Variants in BCAR1 observed in about 807,000 individuals in gnomAD.
The protein encoded by BCAR1 is breast cancer anti-estrogen resistance protein 1.
In BCAR1, 30 loss-of-function variants were observed where a neutral mutation model predicts 67.6. The observed-to-expected ratio is 0.44, with a 90% confidence interval of 0.33 to 0.60. The LOEUF is 0.60. BCAR1 is among the 20% of genes least tolerant of loss of function. The pLI, the probability that BCAR1 is intolerant of heterozygous loss-of-function variation, is 0.02. For missense variants in BCAR1, 1,313 were observed against 1,222.3 expected, an observed-to-expected ratio of 1.07 and a Z score of -1.11; for synonymous variants, 626 against 556.7, an observed-to-expected ratio of 1.12 and a Z score of -1.75.
In BCAR1 at chr16:75,229,439, ACT is replaced by A. The variant is rs1238639592; in HGVS notation, c.*70_*71del. On this transcript the variant is annotated 3_prime_UTR_variant, in exon 7 of 7. Coordinates refer to ENST00000162330, the MANE Select transcript of BCAR1 (RefSeq NM_014567.5). ...CTGTCCCTAAGCCTGTGGCACAGCG[ACT>A]CTTGACATGGGAGCCAGGGAGCTGG... 1.3e-5 allele frequency: 19 copies of A among 1,448,068 alleles called. No individual in the cohort carries two copies. The Admixed American group carries it at 4.5e-4, about 34-fold the overall frequency. The allele number at this position is 1,448,068 out of a possible 1,614,324, so 89.7% of individuals were successfully genotyped here.
At chr16:75,239,337 C>G (rs955638959) in intron 2 of BCAR1, among the ~76,000 whole-genome samples, 2 of 152,156 alleles carry the variant, frequency 1.3e-5, no homozygotes, top group Non-Finnish European at 2.9e-5. Context: ...ATGCCTCATA[C>G]AATGCAGAGA....
intron 5 of BCAR1, 114 bp from the exon 6 acceptor site, chr16:75,234,049 GCGCACACACACGCACACGTGGA>G (rs2076999090): frequency 7.5e-6 from 7 of 934,820 alleles, no homozygotes; most frequent in Middle Eastern, 2.6e-4. Flanking sequence ...CTGCGTGTGC[GCGCACACACACGCACACGTGGA>G]CGCACACACA....
intron 1 of BCAR1, chr16:75,251,025 G>A (rs1038415889): frequency 1.6e-5 from 16 of 978,902 alleles, no homozygotes; most frequent in Admixed American, 6.1e-5. Context: ...CGGTCCCCCG[G>A]AGCTCCTCCC....
chr16:75,230,687 A>G (rs934323331), intron 6 of BCAR1, among the ~76,000 whole-genome samples: 4 of 152,290 alleles, frequency 2.6e-5, no homozygotes, highest in Admixed American at 2.6e-4. Context: ...GGAAGTGACC[A>G]GCCACACCCA....
At chr16:75,248,349 A>T in intron 1 of BCAR1, 1 of 1,298,150 alleles carries the variant, frequency 7.7e-7, no homozygotes, top group African/African-American at 1.5e-5. Flanking sequence ...ACCCAGAACC[A>T]TCACAAACTT....
upstream of BCAR1, chr16:75,251,983 A>G (rs1452512619): frequency 1.2e-5 from 7 of 608,584 alleles, no homozygotes; most frequent in South Asian, 2.0e-5. Flanking sequence ...GAGCCGAGAC[A>G]TGGCCTCAAG....
At chr16:75,254,773 C>A (rs965104446), upstream of BCAR1, among the ~76,000 whole-genome samples, 2 of 152,154 alleles carry the variant, frequency 1.3e-5, no homozygotes, top group African/African-American at 2.4e-5. Context: ...AAGATGAGCT[C>A]ACAGGCTGGA....
At chr16:75,245,904 G>A (rs1429208768) in intron 1 of BCAR1, 1 of 147,902 alleles carries the variant, frequency 6.8e-6, no homozygotes, top group Non-Finnish European at 1.5e-5. Context: ...AAATCCCTTA[G>A]CCTCTCTGAG....
rs898282330 is a variant in BCAR1, at chr16:75,233,918, C to T, written c.2028G>A (p.Glu676=). ...YVHLQGKEEF[E]KTQKELLEKG... ...TTTCCAGCAGCTCCTTCTGGGTCTT[C>T]TCAAACTCCTCCTTCCCCTGGAGGG... The change falls in exon 6 of 7, where the codon GAG becomes GAA. Residue 676 remains glutamate (E), a synonymous_variant. Transcript: ENST00000162330. 1.2e-6 allele frequency: 2 copies of T among 1,608,580 alleles called. No individual in the cohort carries two copies. Among genetic ancestry groups the T allele is most frequent in the Non-Finnish European group, 8.5e-7 (1 of 1,177,628 alleles).
upstream of BCAR1, chr16:75,251,849 G>A (rs1053744206): frequency 4.8e-4 from 120 of 249,106 alleles, no homozygotes; most frequent in African/African-American, 3.0e-3. Context: ...TTCCAGCCTA[G>A]GGCGCAGGAC....
chr16:75,235,086 A>G lies in BCAR1; in HGVS notation c.1813T>C (p.Phe605Leu). The change falls in exon 5 of 7, where the codon TTC (phenylalanine) becomes CTC (leucine). Residue 605 changes from phenylalanine (F) to leucine (L), a missense_variant. By Grantham distance (22) the Phe-to-Leu change is conservative (BLOSUM62 0). Transcript: ENST00000162330. ...SFLHGNASLL[F>L]RRTKATAPGP... The stretch of plus-strand genomic sequence containing the variant: ...GGGGCAGTGGCCTTGGTCCGTCTGA[A>G]GAGCAGTGAGGCATTGCCGTGCAGG... The G allele has an allele frequency of 6.2e-7, 1 of 1,612,644 alleles. No individual in the cohort carries two copies. The highest frequency in any genetic ancestry group is 8.5e-7 in the Non-Finnish European group (1 of 1,180,012).
intron 1 of BCAR1, 74 bp from the exon 2 acceptor site, chr16:75,243,164 T>G: frequency 2.1e-6 from 3 of 1,445,810 alleles, no homozygotes; most frequent in Non-Finnish European, 2.8e-6. Flanking sequence ...GCTCCTGCCC[T>G]GCTCTGGGGA....
At chr16:75,251,342 G>A (rs1304134889) in intron 1 of BCAR1, 129 bp downstream of exon 1, 3 of 1,297,620 alleles carry the variant, frequency 2.3e-6, no homozygotes, top group Admixed American at 5.7e-5. Context: ...GGAGATCCCA[G>A]GGCCGCGGAC....
Position 75,242,813 on chromosome 16 carries a change from G to C in BCAR1, c.290C>G (p.Ser97Cys). ...GTTGGGGAGCATGGGCGTGTACTGG[G>C]AGGCCGGAGGCGCTGGGGCATGGAG... ...PGLHAPAPPA[S>C]QYTPMLPNTY... The change falls in exon 2 of 7, where the codon TCC becomes TGC. Residue 97 changes from serine (S) to cysteine (C), a missense_variant. Physicochemically the swap from Ser to Cys is moderately radical, Grantham distance 112. Coordinates refer to ENST00000162330, the MANE Select transcript of BCAR1 (RefSeq NM_014567.5). 1 of 1,604,484 alleles carries C rather than the reference G, an allele frequency of 6.2e-7. No individual in the cohort carries two copies. Among genetic ancestry groups the C allele is most frequent in the South Asian group, 1.1e-5 (1 of 90,054 alleles).
chr16:75,234,598 C>T (rs1037572109), intron 5 of BCAR1, among the ~76,000 whole-genome samples: 1 of 152,226 alleles, frequency 6.6e-6, no homozygotes, highest in East Asian at 1.9e-4. Flanking sequence ...TGCTCCCCCA[C>T]GCTCAGAGCA....
chr16:75,244,745 G>T (rs1001334471), intron 1 of BCAR1, among the ~76,000 whole-genome samples: 1 of 152,242 alleles, frequency 6.6e-6, no homozygotes, highest in African/African-American at 2.4e-5. Context: ...GAGAGGGCAG[G>T]CCCAGGTGGA....
chr16:75,233,224 T>A (rs1029845150), intron 6 of BCAR1, among the ~76,000 whole-genome samples: 1 of 151,970 alleles, frequency 6.6e-6, no homozygotes, highest in African/African-American at 2.4e-5. Context: ...AATATAAAAA[T>A]CAGCCAGGTG....
At chr16:75,245,902 T>C (rs1316782914) in intron 1 of BCAR1, 3 of 150,316 alleles carry the variant, frequency 2.0e-5, no homozygotes, top group African/African-American at 7.3e-5. Flanking sequence ...GCAAATCCCT[T>C]AGCCTCTCTG....
chr16:75,239,223 A>G lies in BCAR1; in HGVS notation c.634-1879T>C, dbSNP rs558546901. On this transcript the variant is annotated intron_variant, in intron 2 of 6. Transcript: ENST00000162330. ...GCTGCACACCTGAGACCCCACTAGCAGGCCGTGGAGGTCCCCCGGGGGTTA... is the reference window on the plus strand; with the variant it reads ...GCTGCACACCTGAGACCCCACTAGCGGGCCGTGGAGGTCCCCCGGGGGTTA... 42 of 634,942 alleles carry G rather than the reference A, an allele frequency of 6.6e-5. No homozygotes were observed. The Admixed American group carries it at 2.6e-3, about 39-fold the overall frequency. 39.3% of individuals were successfully genotyped at this position (634,942 alleles called of 1,614,324 possible). A position where few individuals can be genotyped will look rare whatever the true frequency, so the allele number is the denominator to read the frequency against.
Sources: gnomAD v4.1 joint callset for allele counts (sites outside exome capture counted in the v4.1 genomes callset) on GRCh38, gnomAD v4.1.1 for gene constraint, MANE v1.5 for transcripts, NCBI Gene and HGNC (gene_info 2026-07-23, HGNC 2026-07-21) for gene names.